Variants in RAB5IF observed in about 807,000 individuals in gnomAD.
The protein encoded by RAB5IF is RAB5 interacting factor.
A neutral mutation model predicts 20.3 loss-of-function variants in RAB5IF; 15 were observed. The ratio of observed to expected loss-of-function variants is 0.74; its 90% CI spans 0.50 to 1.14. The LOEUF (loss-of-function observed/expected upper bound fraction) is 1.14, where lower values mean the gene tolerates loss of function less well. Ranked by LOEUF, RAB5IF falls within the 50% of genes most tolerant of loss-of-function variation. RAB5IF has a pLI of 0.00. For missense variants in RAB5IF, 148 were observed against 159.5 expected, an observed-to-expected ratio of 0.93 and a Z score of 0.39; for synonymous variants, 67 against 63.7, an observed-to-expected ratio of 1.05 and a Z score of -0.25.
At chr20:36,608,062 A>G in intron 2 of RAB5IF, 3 of 992,484 alleles carry the variant, frequency 3.0e-6, no homozygotes, top group Non-Finnish European at 2.9e-6. Flanking sequence ...TCATGGGTCT[A>G]AAGTGACCTC....
chr20:36,606,600 T>C (rs1274518175), intron 1 of RAB5IF, among the ~76,000 whole-genome samples: 2 of 152,136 alleles, frequency 1.3e-5, no homozygotes, highest in African/African-American at 4.8e-5. Context: ...CTGCTGTTGC[T>C]TGTTGAATGT....
intron 2 of RAB5IF, 100 bp downstream of exon 2, chr20:36,607,918 T>C (rs1040463817): frequency 1.3e-6 from 2 of 1,558,392 alleles, no homozygotes; most frequent in Non-Finnish European, 1.7e-6. Context: ...TGGAGCTGTG[T>C]GTGTGTGTGA....
chr20:36,611,957 A>G, intron 3 of RAB5IF, 53 bp from the exon 4 acceptor site: 1 of 1,605,840 alleles, frequency 6.2e-7, no homozygotes, highest in Non-Finnish European at 8.5e-7. Context: ...GTTTTGTGGA[A>G]TCGGCCTGTG....
chr20:36,612,082 A>G lies in RAB5IF; in HGVS notation c.*31A>G. ...TACAGCTCCCAAGTGCTCCCTATCC[A>G]GTCCAAAGGACCCTCTTGATTACAG... On this transcript the variant is annotated 3_prime_UTR_variant, in exon 4 of 4. Coordinates refer to ENST00000344795, the MANE Select transcript of RAB5IF (RefSeq NM_018840.5). The G allele has an allele frequency of 6.2e-7, 1 of 1,614,208 alleles. No homozygotes were observed. The highest frequency in any genetic ancestry group is 8.5e-7 in the Non-Finnish European group (1 of 1,180,032).
chr20:36,609,205 ACACACGCACACACG>A (rs2039031240), intron 2 of RAB5IF, among the ~76,000 whole-genome samples: 9 of 64,262 alleles, frequency 1.4e-4, no homozygotes, highest in Admixed American at 8.1e-4. Context: ...GCACACACGC[ACACACGCACACACG>A]CACACACACA....
At chr20:36,609,336 T>C (rs1009103188) in intron 2 of RAB5IF, among the ~76,000 whole-genome samples, 3 of 150,696 alleles carry the variant, frequency 2.0e-5, no homozygotes, top group African/African-American at 4.9e-5. Flanking sequence ...CGCCTCTGGG[T>C]TCAAGCAGTT....
chr20:36,609,775 G>A (rs763852397), intron 3 of RAB5IF, 45 bp downstream of exon 3: 1 of 1,613,966 alleles, frequency 6.2e-7, no homozygotes. Context: ...TTCATTTCAT[G>A]AGGTGTCACT....
At chr20:36,609,188 C>G (rs1453318348) in intron 2 of RAB5IF, among the ~76,000 whole-genome samples, 5 of 50,700 alleles carry the variant, frequency 9.9e-5, no homozygotes, top group Non-Finnish European at 1.9e-4. Context: ...CACACACACA[C>G]ACACACGCAC....
intron 1 of RAB5IF, 125 bp from the exon 2 acceptor site, chr20:36,607,590 A>G: frequency 9.4e-7 from 1 of 1,058,778 alleles, no homozygotes; most frequent in Non-Finnish European, 1.4e-6. Context: ...GGAAGCACAT[A>G]CTGTTGCCTT....
At chr20:36,609,539 C>A (rs1331808419) in intron 2 of RAB5IF, 62 bp from the exon 3 acceptor site, 2 of 1,520,584 alleles carry the variant, frequency 1.3e-6, no homozygotes, top group Non-Finnish European at 1.8e-6. Context: ...CACACCCGGC[C>A]CCGAGTTCTG....
At chr20:36,611,115 G>A (rs1393612017) in intron 3 of RAB5IF, among the ~76,000 whole-genome samples, 1 of 152,050 alleles carries the variant, frequency 6.6e-6, no homozygotes, top group African/African-American at 2.4e-5. Context: ...TCAGCCTCCC[G>A]AGTAGTTGGG....
intron 3 of RAB5IF, 96 bp downstream of exon 3, chr20:36,609,826 C>CA: frequency 6.2e-7 from 1 of 1,609,142 alleles, no homozygotes; most frequent in Non-Finnish European, 8.5e-7. Context: ...ACTGTGTGAG[C>CA]AGGGTGCTAT....
intron 2 of RAB5IF, 30 bp from the exon 3 acceptor site, chr20:36,609,571 A>C (rs752397351): frequency 6.5e-7 from 1 of 1,545,808 alleles, no homozygotes. Flanking sequence ...CTTTCAATTT[A>C]TGTTTGGTAC....
chr20:36,606,971 C>G (rs2038949463), intron 1 of RAB5IF, among the ~76,000 whole-genome samples: 1 of 152,248 alleles, frequency 6.6e-6, no homozygotes, highest in Admixed American at 6.5e-5. Flanking sequence ...CCAGCTCTTG[C>G]AAAACCTGCA....
chr20:36,607,927 G>A (rs1256996770), intron 2 of RAB5IF, 109 bp downstream of exon 2: 4 of 1,542,978 alleles, frequency 2.6e-6, no homozygotes. Context: ...GTGTGTGTGT[G>A]ATGACTAAAG....
intron 1 of RAB5IF, among the ~76,000 whole-genome samples, chr20:36,607,406 T>G (rs1022616323): frequency 6.6e-6 from 1 of 152,032 alleles, no homozygotes; most frequent in Non-Finnish European, 1.5e-5. Flanking sequence ...TTTTTTGTAT[T>G]TTTAGTAGAG....
intron 2 of RAB5IF, 33 bp from the exon 3 acceptor site, chr20:36,609,568 T>C (rs901569667): frequency 6.5e-7 from 1 of 1,543,936 alleles, no homozygotes; most frequent in African/African-American, 1.4e-5. Flanking sequence ...AAGCTTTCAA[T>C]TTATGTTTGG....
At chr20:36,609,192 CACG>C in intron 2 of RAB5IF, among the ~76,000 whole-genome samples, 1 of 52,248 alleles carries the variant, frequency 1.9e-5, no homozygotes. Context: ...CACACACACA[CACG>C]CACACACGCA....
At chr20:36,609,223 A>G (rs1324875323) in intron 2 of RAB5IF, among the ~76,000 whole-genome samples, 5 of 117,658 alleles carry the variant, frequency 4.2e-5, no homozygotes, top group African/African-American at 7.9e-5. Context: ...ACACACGCAC[A>G]CACACACACA....
Sources: gnomAD v4.1 joint callset for allele counts (sites outside exome capture counted in the v4.1 genomes callset) on GRCh38, gnomAD v4.1.1 for gene constraint, MANE v1.5 for transcripts, NCBI Gene and HGNC (gene_info 2026-07-23, HGNC 2026-07-21) for gene names.